Variants in RARB observed in about 807,000 individuals in gnomAD.
The protein encoded by RARB is HBV-activated protein.
RARB carries 17 observed loss-of-function variants against 51.9 expected under a neutral mutation model. That is an observed-to-expected ratio of 0.33 (90% CI 0.22 to 0.49). RARB has a LOEUF of 0.49. Among genes scored for constraint, RARB ranks in the 20% least tolerant of loss-of-function variants. The pLI is 0.99. For synonymous variants in RARB, 215 were observed against 195.4 expected (o/e 1.10, Z -0.84); for missense variants, 369 against 550.8 (o/e 0.67, Z 3.30).
chr3:25,145,904 AG>A (rs1700181248), intron 4 of RARB, among the ~76,000 whole-genome samples: 1 of 152,114 alleles, frequency 6.6e-6, no homozygotes, highest in Non-Finnish European at 1.5e-5. Flanking sequence ...TGGGAGGCTG[AG>A]GCAGGAGAAT....
intron 5 of RARB, among the ~76,000 whole-genome samples, chr3:25,370,710 G>A (rs1377001720): frequency 6.6e-6 from 1 of 152,188 alleles, no homozygotes; most frequent in Non-Finnish European, 1.5e-5. Flanking sequence ...AGTGACAGCT[G>A]AAGGACCAGG....
At chr3:25,011,941 T>C (rs920439465) in intron 2 of RARB, among the ~76,000 whole-genome samples, 1 of 152,090 alleles carries the variant, frequency 6.6e-6, no homozygotes. Context: ...ATCATTTGTT[T>C]CATGCAAAGG....
intron 4 of RARB, among the ~76,000 whole-genome samples, chr3:25,140,322 A>C (rs1700089795): frequency 6.6e-6 from 1 of 152,218 alleles, no homozygotes; most frequent in Non-Finnish European, 1.5e-5. Flanking sequence ...GGAGGAAGTC[A>C]AAATACCCAC....
intron 5 of RARB, among the ~76,000 whole-genome samples, chr3:25,216,427 C>G (rs1006738403): frequency 1.3e-5 from 2 of 152,178 alleles, no homozygotes; most frequent in African/African-American, 4.8e-5. Flanking sequence ...GAGTTCGTAT[C>G]CTTTGCAGGG....
intron 5 of RARB, among the ~76,000 whole-genome samples, chr3:25,248,551 G>C (rs893372150): frequency 6.6e-6 from 1 of 152,010 alleles, no homozygotes; most frequent in African/African-American, 2.4e-5. Flanking sequence ...TTATACTTTT[G>C]TGAGTTTTCA....
intron 2 of RARB, among the ~76,000 whole-genome samples, chr3:24,945,078 T>C (rs1038156107): frequency 4.8e-4 from 73 of 152,344 alleles, no homozygotes; most frequent in African/African-American, 1.6e-3. Context: ...AGTGATATAG[T>C]TTTAATAAAA....
chr3:25,283,002 G>A (rs1703562704), intron 5 of RARB, among the ~76,000 whole-genome samples: 1 of 152,176 alleles, frequency 6.6e-6, no homozygotes, highest in African/African-American at 2.4e-5. Context: ...TAAGAACACG[G>A]AGGAGCGACA....
At chr3:25,132,463 T>C (rs531192326) in intron 4 of RARB, among the ~76,000 whole-genome samples, 28 of 152,036 alleles carry the variant, frequency 1.8e-4, no homozygotes, top group South Asian at 2.1e-4. Context: ...CATTTAATAA[T>C]AGCAGGAGCT....
chr3:25,459,068 G>T (rs1695045603), intron 1 of RARB, among the ~76,000 whole-genome samples: 2 of 152,258 alleles, frequency 1.3e-5, no homozygotes, highest in South Asian at 4.2e-4. Context: ...TAGAGTATAG[G>T]GGATGGCAGA....
intron 3 of RARB, among the ~76,000 whole-genome samples, chr3:25,067,584 T>C (rs1698687313): frequency 2.0e-5 from 3 of 152,240 alleles, no homozygotes; most frequent in Admixed American, 2.0e-4. Context: ...GGATTCCTTA[T>C]GTGTATTGAC....
chr3:25,021,439 C>T (rs1044518039), intron 2 of RARB, among the ~76,000 whole-genome samples: 1 of 151,810 alleles, frequency 6.6e-6, no homozygotes, highest in African/African-American at 2.4e-5. Context: ...AGCTAAGAAT[C>T]ACCTTAAAAG....
intron 5 of RARB, among the ~76,000 whole-genome samples, chr3:25,358,485 C>T (rs1259628541): frequency 1.3e-5 from 2 of 152,092 alleles, no homozygotes; most frequent in African/African-American, 4.8e-5. Flanking sequence ...TTTCTCTTGC[C>T]TGATTGCCCT....
intron 2 of RARB, among the ~76,000 whole-genome samples, chr3:24,898,756 G>T (rs1221672470): frequency 6.6e-6 from 1 of 152,134 alleles, no homozygotes; most frequent in Non-Finnish European, 1.5e-5. Flanking sequence ...TATGGTAGCT[G>T]CATTTAGCTT....
intron 2 of RARB, among the ~76,000 whole-genome samples, chr3:24,979,709 G>A (rs1376583587): frequency 2.6e-5 from 4 of 151,830 alleles, no homozygotes; most frequent in African/African-American, 7.3e-5. Flanking sequence ...CACACCAAAG[G>A]GTCTTGACTC....
chr3:25,039,233 G>A (rs147279121), intron 2 of RARB, among the ~76,000 whole-genome samples: 5 of 152,290 alleles, frequency 3.3e-5, no homozygotes, highest in African/African-American at 9.6e-5. Context: ...AGGCAGAGGC[G>A]AAGTGGGAAG....
chr3:25,033,005 C>T (rs893065765), intron 2 of RARB, among the ~76,000 whole-genome samples: 1 of 152,198 alleles, frequency 6.6e-6, no homozygotes, highest in African/African-American at 2.4e-5. Flanking sequence ...CATCACACAT[C>T]AACTTAAGTC....
At chr3:25,043,255 T>C (rs904753331) in intron 2 of RARB, among the ~76,000 whole-genome samples, 1 of 152,252 alleles carries the variant, frequency 6.6e-6, no homozygotes, top group African/African-American at 2.4e-5. Flanking sequence ...ACAAGCTGTA[T>C]TTCTATGACA....
intron 2 of RARB, among the ~76,000 whole-genome samples, chr3:24,950,072 A>T (rs548587419): frequency 1.3e-4 from 20 of 152,340 alleles, no homozygotes; most frequent in Non-Finnish European, 1.9e-4. Flanking sequence ...TGTAAAATTC[A>T]TATTGTTAGA....
intron 4 of RARB, among the ~76,000 whole-genome samples, chr3:25,577,493 C>T (rs1700987563): frequency 6.6e-6 from 1 of 152,190 alleles, no homozygotes; most frequent in Non-Finnish European, 1.5e-5. Flanking sequence ...GGATTTCAGG[C>T]CTAAGGAAGA....
Sources: allele counts gnomAD v4.1 joint callset (sites outside exome capture counted in the v4.1 genomes callset), GRCh38; gene constraint gnomAD v4.1.1; transcripts MANE v1.5; gene names NCBI Gene and HGNC (gene_info 2026-07-23, HGNC 2026-07-21).